TC2N: variants seen among roughly 807,000 people sequenced by gnomAD.
TC2N encodes tandem C2 domains nuclear protein.
In TC2N, 51 loss-of-function variants were observed where a neutral mutation model predicts 61.9. The observed-to-expected ratio is 0.82, with a 90% CI of 0.66 to 1.04. The LOEUF is 1.04. TC2N is among the 50% of genes least tolerant of loss of function. The pLI is 0.00. For synonymous variants in TC2N, 204 were observed against 192.6 expected (o/e 1.06, Z -0.49); for missense variants, 556 against 566.7 (o/e 0.98, Z 0.19).
Position 91,787,549 on chromosome 14 carries a change from G to A in TC2N, c.1126C>T (p.Arg376Trp), listed in dbSNP as rs757535898. ...GGTGTTGATGAGCTTGGAAGGTACC[G>A]TGCCTCAAGAATTTGTAACTGAATT... ...SRIQLQILEA[R>W]YLPSSSTPLT... is the part of the protein sequence containing the mutation. Residue 376 changes from arginine to tryptophan, a missense_variant, in exon 10 of 12, where the codon CGG becomes TGG. Physicochemically the swap from Arg to Trp is moderately radical, Grantham distance 101 (BLOSUM62 -3). Transcript: ENST00000435962. 1.9e-5 allele frequency: 30 copies of A among 1,612,506 alleles called. No homozygotes were observed. The Middle Eastern group carries it at 1.5e-3, about 80-fold the overall frequency.
In TC2N at chr14:91,779,991, T is replaced by C. The variant is rs1885016088; in HGVS notation, c.*3109A>G. The stretch of plus-strand genomic sequence containing the variant: ...AATCTATATTTCAAAATGAACATGG[T>C]ACTTCATATGGGCCCACTTTTCATA... On this transcript the variant is annotated 3_prime_UTR_variant, in exon 12 of 12. Coordinates refer to ENST00000435962, the MANE Select transcript of TC2N (RefSeq NM_001128596.3). 1 of 152,178 alleles carries C rather than the reference T, an allele frequency of 6.6e-6. No individual in the cohort carries two copies. The highest frequency in any genetic ancestry group is 6.5e-5 in the Admixed American group (1 of 15,272). 9.4% of individuals were successfully genotyped at this position (152,178 alleles called of 1,614,324 possible).
At chr14:91,786,791 A>G (rs7153768) in intron 10 of TC2N, among the ~76,000 whole-genome samples, 2,289 of 152,100 alleles carry the variant, frequency 0.015, 53 homozygotes, top group African/African-American at 0.05. Flanking sequence ...TATTTTAATG[A>G]TTCTTTCAAA....
chr14:91,814,346 A>C (rs1316867039), intron 1 of TC2N, among the ~76,000 whole-genome samples: 1 of 149,596 alleles, frequency 6.7e-6, no homozygotes. Context: ...GGGAGATGAA[A>C]AGGGAAAGGT....
At position 91,833,786 on chromosome 14, in the gene TC2N, T is replaced by G. The variant is rs1281355418; in HGVS notation, c.-56-19961A>C. Reference sequence around the variant, plus strand: ...CAAAATGACTACACCAATTTACACTTCCACCAGCAGATTATGAGACTTCCA... The same window carrying G: ...CAAAATGACTACACCAATTTACACTGCCACCAGCAGATTATGAGACTTCCA... On this transcript the variant is annotated intron_variant, in intron 1 of 11. Transcript: ENST00000435962. 2.6e-5 allele frequency among the ~76,000 whole-genome samples: 4 copies of G among 152,160 alleles called. No homozygotes were observed. The East Asian group carries it at 7.7e-4, about 29-fold the overall frequency.
At chr14:91,809,783 A>G (rs1457891987) in intron 3 of TC2N, among the ~76,000 whole-genome samples, 1 of 152,212 alleles carries the variant, frequency 6.6e-6, no homozygotes, top group African/African-American at 2.4e-5. Context: ...AGAGATTCCC[A>G]AATTCTGTAA....
At position 91,848,555 on chromosome 14, in the gene TC2N, T is replaced by G. The variant is rs1208597191; in HGVS notation, c.-57+18707A>C. On this transcript the variant is annotated intron_variant, in intron 1 of 11. Transcript: ENST00000435962. ...GGAAAATGCACTATCCAACTTCTGG[T>G]AACTTTATTCCAATTTCTCTCTGAA... 2.6e-5 allele frequency among the ~76,000 whole-genome samples: 4 copies of G among 152,240 alleles called. No individual in the cohort carries two copies. In the East Asian group the frequency reaches 7.7e-4, roughly 29 times the overall value.
chr14:91,846,034 C>T (rs920686144), intron 1 of TC2N, among the ~76,000 whole-genome samples: 1 of 152,156 alleles, frequency 6.6e-6, no homozygotes, highest in African/African-American at 2.4e-5. Context: ...TACCCTGGTC[C>T]ACTTCAGAGG....
At chr14:91,830,474 T>C (rs892339022) in intron 1 of TC2N, among the ~76,000 whole-genome samples, 3 of 152,138 alleles carry the variant, frequency 2.0e-5, no homozygotes, top group Admixed American at 6.5e-5. Context: ...TGTGATTCCA[T>C]TTACATGAAA....
At chr14:91,866,608 C>A (rs1222789393) in intron 1 of TC2N, 1 of 152,220 alleles carries the variant, frequency 6.6e-6, no homozygotes, top group Non-Finnish European at 1.5e-5. Flanking sequence ...CACCTTGGTA[C>A]CCTTCATTCT....
At chr14:91,834,287 G>A (rs1405481060) in intron 1 of TC2N, among the ~76,000 whole-genome samples, 2 of 152,072 alleles carry the variant, frequency 1.3e-5, no homozygotes, top group East Asian at 1.9e-4. Context: ...GGATGGGGCG[G>A]GGCATAACTA....
At chr14:91,863,635 T>C (rs750886982) in intron 1 of TC2N, among the ~76,000 whole-genome samples, 1 of 151,936 alleles carries the variant, frequency 6.6e-6, no homozygotes, top group Non-Finnish European at 1.5e-5. Context: ...CAGAAAAGAA[T>C]GTGGGGTCTG....
intron 7 of TC2N, 108 bp downstream of exon 7, chr14:91,798,191 G>A: frequency 1.6e-6 from 1 of 608,430 alleles, no homozygotes. Context: ...AATTCCAAAT[G>A]TCAAAGGTGG....
At chr14:91,861,844 G>T (rs1888594349) in intron 1 of TC2N, among the ~76,000 whole-genome samples, 2 of 152,134 alleles carry the variant, frequency 1.3e-5, no homozygotes, top group Non-Finnish European at 2.9e-5. Context: ...GAAGGTGGAA[G>T]TTGCAGTGAG....
intron 3 of TC2N, among the ~76,000 whole-genome samples, chr14:91,805,441 G>A (rs1184874861): frequency 2.6e-5 from 4 of 152,204 alleles, no homozygotes; most frequent in Admixed American, 2.6e-4. Context: ...GGGCGAGGTG[G>A]GCAGATCACG....
At chr14:91,792,302 C>T in intron 9 of TC2N, 65 bp downstream of exon 9, 2 of 1,085,010 alleles carry the variant, frequency 1.8e-6, no homozygotes, top group Non-Finnish European at 2.6e-6. Context: ...CTCTAACAAA[C>T]AAAAGCCCAT....
At position 91,781,831 on chromosome 14, in the gene TC2N, A is replaced by G. The variant is rs1177036683; in HGVS notation, c.*1269T>C. 1 of 152,102 alleles carries G rather than the reference A, an allele frequency of 6.6e-6. No individual in the cohort carries two copies. Among genetic ancestry groups the G allele is most frequent in the African/African-American group, 2.4e-5 (1 of 41,450 alleles). 9.4% of individuals were successfully genotyped at this position (152,102 alleles called of 1,614,324 possible). A position where few individuals can be genotyped will look rare whatever the true frequency, so the allele number is the denominator to read the frequency against. ...AAAGAGAATTAAGTGTTTATTTGGG[A>G]AAATGTTAATGATATACACAGAACA... On this transcript the variant is annotated 3_prime_UTR_variant, in exon 12 of 12. Coordinates refer to ENST00000435962, the MANE Select transcript of TC2N (RefSeq NM_001128596.3).
chr14:91,828,592 T>A (rs1191786523), intron 1 of TC2N, among the ~76,000 whole-genome samples: 2 of 152,062 alleles, frequency 1.3e-5, no homozygotes, highest in East Asian at 3.8e-4. Context: ...TATAGCTTAT[T>A]TGAGTGAAAT....
chr14:91,866,197 ACAGT>A (rs1888698888), intron 1 of TC2N: 1 of 152,208 alleles, frequency 6.6e-6, no homozygotes. Context: ...TGGGCACATT[ACAGT>A]AACCACCCAG....
intron 1 of TC2N, among the ~76,000 whole-genome samples, chr14:91,860,400 T>C (rs1337607183): frequency 6.6e-6 from 1 of 152,146 alleles, no homozygotes; most frequent in African/African-American, 2.4e-5. Flanking sequence ...TTGCAGGACT[T>C]CTCAGAGCCT....
Sources: allele counts gnomAD v4.1 joint callset (sites outside exome capture counted in the v4.1 genomes callset), GRCh38; gene constraint gnomAD v4.1.1; transcripts MANE v1.5; gene names NCBI Gene and HGNC (gene_info 2026-07-23, HGNC 2026-07-21).